CTSG: variants seen among roughly 807,000 people sequenced by gnomAD.
CTSG encodes the protein cathepsin G.
CTSG carries 23 observed loss-of-function variants against 23.0 expected under a neutral mutation model. That is an observed-to-expected ratio of 1.00 (90% CI 0.72 to 1.42). The LOEUF is 1.42. CTSG is among the 40% of genes most tolerant of loss of function. CTSG has a pLI of 0.00. For missense variants in CTSG, 312 were observed against 326.2 expected (o/e 0.96, Z 0.33); for synonymous variants, 140 against 130.4 (o/e 1.07, Z -0.50).
chr14:24,574,479 C>T lies in CTSG; in HGVS notation c.360G>A (p.Arg120=), dbSNP rs952329522. The change falls in exon 4 of 5, where the codon CGG becomes CGA. Residue 120 remains arginine (R), a synonymous_variant. Coordinates refer to ENST00000216336, the MANE Select transcript of CTSG (RefSeq NM_001911.3). ...MLLQLSRRVR[R]NRNVNPVALP... ...GAGCCACTGGGTTCACGTTTCGATTCCGTCTGACTCTTCTGCTCAGCTGGA... is the reference window on the plus strand; with the variant it reads ...GAGCCACTGGGTTCACGTTTCGATTTCGTCTGACTCTTCTGCTCAGCTGGA... 6.2e-7 allele frequency: 1 copy of T among 1,613,910 alleles called. No homozygotes were observed. The highest frequency in any genetic ancestry group is 8.5e-7 in the Non-Finnish European group (1 of 1,180,034).
intron 2 of CTSG, 64 bp downstream of exon 2, chr14:24,575,201 C>T (rs1228717938): frequency 3.1e-6 from 5 of 1,596,238 alleles, no homozygotes; most frequent in Non-Finnish European, 4.3e-6. Flanking sequence ...TCAGATGGCT[C>T]TTCCACCGAA....
Position 24,573,710 on chromosome 14 carries a change from G to A in CTSG, c.695C>T (p.Ser232Leu). The change falls in exon 5 of 5, where the codon TCA becomes TTA. Residue 232 changes from serine (S) to leucine (L), a missense_variant. Coordinates refer to ENST00000216336, the MANE Select transcript of CTSG (RefSeq NM_001911.3). ...TGTCCTTATCCAGGGCAGGAAACTT[G>A]AGACCCTGGTGAAGACTTCTGGAGG... ...GVPPEVFTRV[S>L]SFLPWIRTTM... 6.2e-7 allele frequency: 1 copy of A among 1,614,094 alleles called. No individual in the cohort carries two copies. The highest frequency in any genetic ancestry group is 8.5e-7 in the Non-Finnish European group (1 of 1,180,014).
intron 1 of CTSG, 138 bp downstream of exon 1, chr14:24,576,028 ATAT>A (rs2066740257): frequency 5.7e-6 from 4 of 703,654 alleles, no homozygotes; most frequent in Non-Finnish European, 1.0e-5. Context: ...ATCGGTATTA[ATAT>A]TATTCTCATT....
chr14:24,573,904 C>T (rs938315669), intron 4 of CTSG, 94 bp from the exon 5 acceptor site: 3 of 1,167,522 alleles, frequency 2.6e-6, no homozygotes, highest in South Asian at 2.9e-5. Flanking sequence ...GGTGGGTGGG[C>T]CCCTTCAATT....
Position 24,574,378 on chromosome 14 carries a change from C to A in CTSG, c.461G>T (p.Arg154Met). 1 of 1,611,246 alleles carries A rather than the reference C, an allele frequency of 6.2e-7. No homozygotes were observed. Among genetic ancestry groups the A allele is most frequent in the Non-Finnish European group, 8.5e-7 (1 of 1,180,010 alleles). ...CACCTCTCGGAGTGTATCTGTTCCC[C>A]TCCTCATGCTGACCCTGCCCCAGCC... ...VAGWGRVSMR[R>M]GTDTLREVQL... The change falls in exon 4 of 5, where the codon AGG becomes ATG. Residue 154 changes from arginine (R) to methionine (M), a missense_variant. By Grantham distance (91) the Arg-to-Met change is moderately conservative. Coordinates refer to ENST00000216336, the MANE Select transcript of CTSG (RefSeq NM_001911.3).
chr14:24,574,604 C>A, intron 3 of CTSG, 71 bp downstream of exon 3: 1 of 1,612,680 alleles, frequency 6.2e-7, no homozygotes, highest in Non-Finnish European at 8.5e-7. Context: ...ACCCCGGAGC[C>A]TTGCCCTCAC....
chr14:24,574,576 T>C (rs1260807028), intron 3 of CTSG, 77 bp from the exon 4 acceptor site: 4 of 1,610,178 alleles, frequency 2.5e-6, no homozygotes, highest in African/African-American at 2.7e-5. Flanking sequence ...GCAGTACACA[T>C]CCCATGCCCT....
At position 24,573,845 on chromosome 14, in the gene CTSG, G is replaced by A. The variant is rs780802129; in HGVS notation, c.595-35C>T. 5 of 1,590,524 alleles carry A rather than the reference G, an allele frequency of 3.1e-6. No individual in the cohort carries two copies. In the East Asian group the frequency reaches 6.7e-5, roughly 21 times the overall value. On this transcript the variant is annotated intron_variant, in intron 4 of 4. Transcript: ENST00000216336. ...GAGAGGAGAAGGGAGACTGAGACAG[G>A]CCTCCCTGCTCCTGCTTCCCTGAGC... is the stretch of plus-strand genomic sequence containing the variant.
chr14:24,573,793 G>A lies in CTSG; in HGVS notation c.612C>T (p.Pro204=). The change falls in exon 5 of 5, where the codon CCC becomes CCT. Residue 204 remains proline, a synonymous_variant. Transcript: ENST00000216336. ...KAAFKGDSGG[P]LLCNNVAHGI... ...CGTGGGCCACATTGTTACACAGCAG[G>A]GGGCCTCCGGAATCCCCCTGTAGGT... 6.2e-7 allele frequency: 1 copy of A among 1,614,008 alleles called. No individual in the cohort carries two copies.
rs1293011491 is a variant in CTSG at position 24,575,363 on chromosome 14, CA to C, written c.104del (p.Met35ArgfsTer26). 1 of 1,614,186 alleles carries C rather than the reference CA, an allele frequency of 6.2e-7. No homozygotes were observed. Among genetic ancestry groups the C allele is most frequent in the Non-Finnish European group, 8.5e-7 (1 of 1,180,030 alleles). On this transcript the variant is annotated frameshift_variant, in exon 2 of 5. Transcript: ENST00000216336. LOFTEE classifies it high-confidence loss of function. ...RESRPHSRPY[M>X]AYLQIQSPAG... ...CTGGACTCTGGATCTGAAGATACGC[CA>C]TGTAGGGGCGGGAGTGGGGCCTGCT...
At position 24,575,282 on chromosome 14, in the gene CTSG, T is replaced by C. The variant is rs1486293733; in HGVS notation, c.186A>G (p.Ala62=). Residue 62 remains alanine, a synonymous_variant, in exon 2 of 5, where the codon GCA becomes GCG. Coordinates refer to ENST00000216336, the MANE Select transcript of CTSG (RefSeq NM_001911.3). ...FLVREDFVLT[A]AHCWGSNINV... The stretch of plus-strand genomic sequence containing the variant: ...CTCCTCACCTTCCCCAGCAATGAGC[T>C]GCTGTCAGCACAAAGTCTTCTCGCA... The C allele has an allele frequency of 6.2e-7, 1 of 1,614,144 alleles. No homozygotes were observed. The highest frequency in any genetic ancestry group is 8.5e-7 in the Non-Finnish European group (1 of 1,180,018).
intron 1 of CTSG, 124 bp from the exon 2 acceptor site, chr14:24,575,536 A>G (rs2138451899): frequency 9.6e-7 from 1 of 1,041,510 alleles, no homozygotes; most frequent in Non-Finnish European, 1.4e-6. Flanking sequence ...GAGAGGGAGG[A>G]GATGGTGCTG....
At chr14:24,573,862 T>G (rs1885597) in intron 4 of CTSG, 52 bp from the exon 5 acceptor site, 733,035 of 1,545,050 alleles carry the variant, frequency 0.47, 177,105 homozygotes, top group Admixed American at 0.74. Context: ...TGCTCCTGCT[T>G]CCCTGAGCTC....
rs1277511455 is a variant in CTSG at position 24,574,758 on chromosome 14, G to T, written c.256C>A (p.Gln86Lys). The T allele has an allele frequency of 6.2e-7, 1 of 1,614,160 alleles. No individual in the cohort carries two copies. ...AHNIQRRENT[Q>K]QHITARRAIR... ...GCTCTGCGCGCAGTGATGTGTTGCT[G>T]GGTGTTTTCCCGTCTCTGGATATTG... The change falls in exon 3 of 5, where the codon CAG (glutamine) becomes AAG (lysine). Residue 86 changes from glutamine to lysine, a missense_variant. Physicochemically the swap from Gln to Lys is moderately conservative, Grantham distance 53. Transcript: ENST00000216336.
chr14:24,574,838 T>C (rs1048802898), intron 2 of CTSG, 28 bp from the exon 3 acceptor site: 2 of 1,612,290 alleles, frequency 1.2e-6, no homozygotes, highest in Non-Finnish European at 1.7e-6. Flanking sequence ...AGGTCTGGGC[T>C]GCAGGAGCTA....
At chr14:24,576,059 C>G in intron 1 of CTSG, 110 bp downstream of exon 1, 1 of 870,898 alleles carries the variant, frequency 1.1e-6, no homozygotes, top group Non-Finnish European at 1.9e-6. Flanking sequence ...TGAGGAAACA[C>G]AAATTCAAAT....
In CTSG at chr14:24,575,317, C is replaced by T. The variant is rs1229621689; in HGVS notation, c.151G>A (p.Gly51Arg). Residue 51 changes from glycine (G) to arginine (R), a missense_variant, in exon 2 of 5, where the codon GGG becomes AGG. Physicochemically the swap from Gly to Arg is moderately radical, Grantham distance 125. Coordinates refer to ENST00000216336, the MANE Select transcript of CTSG (RefSeq NM_001911.3). ...ACAAAGTCTTCTCGCACCAGGAACC[C>T]TCCACATCTGCTCTGACCTGCTGGA... ...QSPAGQSRCGGFLVREDFVLT... is the reference protein window; with the variant it reads ...QSPAGQSRCGRFLVREDFVLT... The T allele has an allele frequency of 6.2e-7, 1 of 1,614,180 alleles. No individual in the cohort carries two copies. Among genetic ancestry groups the T allele is most frequent in the Non-Finnish European group, 8.5e-7 (1 of 1,180,036 alleles).
At chr14:24,573,985 A>G (rs1236365646) in intron 4 of CTSG, among the ~76,000 whole-genome samples, 175 bp from the exon 5 acceptor site, 4 of 152,086 alleles carry the variant, frequency 2.6e-5, no homozygotes, top group Non-Finnish European at 5.9e-5. Context: ...CGGTCGCTGG[A>G]CTTCAGCTCT....
At position 24,575,208 on chromosome 14, in the gene CTSG, C is replaced by T. The variant is rs375399974; in HGVS notation, c.203+57G>A. On this transcript the variant is annotated intron_variant, in intron 2 of 4. Transcript: ENST00000216336. The stretch of plus-strand genomic sequence containing the variant: ...CTCTTCTTTCAGATGGCTCTTCCAC[C>T]GAAGAGCTCCGCAGGGCTGTGTTCC... 1.8e-5 allele frequency: 28 copies of T among 1,598,434 alleles called. No homozygotes were observed. In the African/African-American group the frequency reaches 3.4e-4, roughly 19 times the overall value.
Sources: gnomAD v4.1 joint callset for allele counts (sites outside exome capture counted in the v4.1 genomes callset) on GRCh38, gnomAD v4.1.1 for gene constraint, MANE v1.5 for transcripts, NCBI Gene and HGNC (gene_info 2026-07-23, HGNC 2026-07-21) for gene names.